The following ZC2HC1B variants were observed in gnomAD, a reference collection of about 807,000 sequenced individuals.
ZC2HC1B encodes the protein zinc finger C2HC domain-containing protein 1B.
A neutral mutation model predicts 31.0 loss-of-function variants in ZC2HC1B; 36 were observed. The observed-to-expected ratio is 1.16, with a 90% CI of 0.89 to 1.54. The LOEUF is 1.54. Ranked by LOEUF, ZC2HC1B falls within the 40% of genes most tolerant of loss-of-function variation. The pLI is 0.00. For missense variants in ZC2HC1B, 260 were observed against 268.6 expected (o/e 0.97, Z 0.22); for synonymous variants, 73 against 88.0 (o/e 0.83, Z 0.95).
chr6:143,906,224 A>G (rs1777793455), intron 6 of ZC2HC1B, among the ~76,000 whole-genome samples: 1 of 152,150 alleles, frequency 6.6e-6, no homozygotes, highest in South Asian at 2.1e-4. Context: ...TTATCAGTCT[A>G]TTCAAATATT....
rs1235424162 is a variant in ZC2HC1B, at chr6:143,908,267, T to A, written c.598+5115T>A. 6.8e-6 allele frequency among the ~76,000 whole-genome samples: 1 copy of A among 146,340 alleles called. No homozygotes were observed. Among genetic ancestry groups the A allele is most frequent in the Non-Finnish European group, 1.5e-5 (1 of 67,004 alleles). On this transcript the variant is annotated intron_variant, in intron 6 of 7. Transcript: ENST00000237275. The surrounding 1 kb of genome is among the most constrained non-coding windows in gnomAD (Gnocchi z 4.4). ...TTGTCTTGACTATTTGGGCTCTGTTTTGATTTCATATGAATTTTAAAATAG... is the reference window on the plus strand; with the variant it reads ...TTGTCTTGACTATTTGGGCTCTGTTATGATTTCATATGAATTTTAAAATAG...
At chr6:143,937,971 G>T (rs920457242) in intron 7 of ZC2HC1B, among the ~76,000 whole-genome samples, 171 bp from the exon 8 acceptor site, 1 of 152,158 alleles carries the variant, frequency 6.6e-6, no homozygotes, top group Non-Finnish European at 1.5e-5. Flanking sequence ...GACCTGAAAG[G>T]TTACTGCCTT....
chr6:143,937,750 A>G lies in ZC2HC1B; in HGVS notation c.*14+17A>G, dbSNP rs1778195475. 1.3e-6 allele frequency: 2 copies of G among 1,516,016 alleles called. No homozygotes were observed. Among genetic ancestry groups the G allele is most frequent in the Non-Finnish European group, 1.8e-6 (2 of 1,120,664 alleles). The allele number at this position is 1,516,016 out of a possible 1,614,324, so 93.9% of individuals were successfully genotyped here. A position where few individuals can be genotyped will look rare whatever the true frequency, so the allele number is the denominator to read the frequency against. On this transcript the variant is annotated intron_variant, in intron 7 of 7. Coordinates refer to ENST00000237275, the MANE Select transcript of ZC2HC1B (RefSeq NM_001013623.3). ...AGAAGCCAGGTAAGAAAAAAAAATCACCGCTAATCCAGCTGTTGCTGACCA... is the reference window on the plus strand; with the variant it reads ...AGAAGCCAGGTAAGAAAAAAAAATCGCCGCTAATCCAGCTGTTGCTGACCA...
At chr6:143,901,875 C>G (rs1424613137) in intron 5 of ZC2HC1B, among the ~76,000 whole-genome samples, 1 of 152,192 alleles carries the variant, frequency 6.6e-6, no homozygotes, top group African/African-American at 2.4e-5. Flanking sequence ...ATGTATAAGT[C>G]TACCTACAGT....
chr6:143,909,708 T>C lies in ZC2HC1B; in HGVS notation c.598+6556T>C, dbSNP rs1582968047. Among the ~76,000 whole-genome samples the C allele has an allele frequency of 2.0e-5, 3 of 152,276 alleles. No homozygotes were observed. In the East Asian group the frequency reaches 5.8e-4, roughly 29 times the overall value. On this transcript the variant is annotated intron_variant, in intron 6 of 7. Transcript: ENST00000237275. Reference sequence around the variant, plus strand: ...TAGTGTATGTGCATAGGGTTGTTTATAGTATTCTCTGATGGTTGTTTGTAT... The same window carrying C: ...TAGTGTATGTGCATAGGGTTGTTTACAGTATTCTCTGATGGTTGTTTGTAT...
chr6:143,925,236 T>C (rs1318609184), intron 6 of ZC2HC1B, among the ~76,000 whole-genome samples: 1 of 139,434 alleles, frequency 7.2e-6, no homozygotes, highest in Non-Finnish European at 1.5e-5. Flanking sequence ...AGTGCAGTGG[T>C]GCGATCTCCC....
In ZC2HC1B at chr6:143,918,509, A is replaced by C. The variant is rs1777942725; in HGVS notation, c.598+15357A>C. Among the ~76,000 whole-genome samples the C allele has an allele frequency of 1.3e-5, 2 of 151,546 alleles. No homozygotes were observed. Among genetic ancestry groups the C allele is most frequent in the African/African-American group, 4.9e-5 (2 of 41,202 alleles). On this transcript the variant is annotated intron_variant, in intron 6 of 7. Coordinates refer to ENST00000237275, the MANE Select transcript of ZC2HC1B (RefSeq NM_001013623.3). This position sits in a 1 kb window ranked among gnomAD's most constrained non-coding sequence, Gnocchi z 4.1. ...GATTATTTTTTGTCTTTTTCTTTTG[A>C]AAGTTTGATTATAATGTGTCTCAGT...
Position 143,915,618 on chromosome 6 carries a change from G to A in ZC2HC1B, c.598+12466G>A, listed in dbSNP as rs1291092860. ...TTGACCAAAATGTTGATAGTGATAC[G>A]GACAATGAAATCCAGGCTGAAGTGG... is the stretch of plus-strand genomic sequence containing the variant. On this transcript the variant is annotated intron_variant, in intron 6 of 7. Transcript: ENST00000237275. The surrounding 1 kb of genome is among the most constrained non-coding windows in gnomAD (Gnocchi z 5.2). 2.6e-5 allele frequency among the ~76,000 whole-genome samples: 4 copies of A among 152,250 alleles called. No individual in the cohort carries two copies. The highest frequency in any genetic ancestry group is 3.4e-3 in the Middle Eastern group (1 of 294).
chr6:143,882,577 C>T (rs1013506705), intron 1 of ZC2HC1B, among the ~76,000 whole-genome samples: 14 of 151,718 alleles, frequency 9.2e-5, no homozygotes, highest in Non-Finnish European at 1.9e-4. Flanking sequence ...CTTCAATTTC[C>T]ATGACCCTGT....
rs959735717 is a variant in ZC2HC1B, at chr6:143,873,476, G to T, written c.28+8909G>T. Among the ~76,000 whole-genome samples, 3 of 152,330 alleles carry T rather than the reference G, an allele frequency of 2.0e-5. No individual in the cohort carries two copies. The East Asian group carries it at 5.8e-4, about 29-fold the overall frequency. On this transcript the variant is annotated intron_variant, in intron 1 of 7. Coordinates refer to ENST00000237275, the MANE Select transcript of ZC2HC1B (RefSeq NM_001013623.3). Reference sequence around the variant, plus strand: ...GCTCCACCAGGGACTCTGTGTGGGGGCTCTACCCCCAGATTTCCCTTCCTC... The same window carrying T: ...GCTCCACCAGGGACTCTGTGTGGGGTCTCTACCCCCAGATTTCCCTTCCTC...
In ZC2HC1B at chr6:143,877,343, C is replaced by T. The variant is rs1407148803; in HGVS notation, c.29-6961C>T. 1.7e-4 allele frequency among the ~76,000 whole-genome samples: 20 copies of T among 119,372 alleles called. 1 individual carries two copies. Among genetic ancestry groups the T allele is most frequent in the Non-Finnish European group, 2.6e-4 (16 of 62,206 alleles). The allele number at this position is 119,372 out of a possible 152,430, so 78.3% of individuals were successfully genotyped here. On this transcript the variant is annotated intron_variant, in intron 1 of 7. Transcript: ENST00000237275. The stretch of plus-strand genomic sequence containing the variant: ...TTTTGCCCAGCCTGGAGTGCAATGG[C>T]GCCATCTCAGTTCACCAAAACCTCC...
At chr6:143,889,601 A>C (rs76933936) in intron 4 of ZC2HC1B, among the ~76,000 whole-genome samples, 1 of 152,164 alleles carries the variant, frequency 6.6e-6, no homozygotes, top group Non-Finnish European at 1.5e-5. Context: ...TGATAAATAC[A>C]TCAAGAAGAC....
rs549203935 is a variant in ZC2HC1B at position 143,871,350 on chromosome 6, C to A, written c.28+6783C>A. The stretch of plus-strand genomic sequence containing the variant: ...GACACAAAGCCAAACAGTTAATATA[C>A]CTCTGAGGTAGAACAGTAAAGGTAT... On this transcript the variant is annotated intron_variant, in intron 1 of 7. Coordinates refer to ENST00000237275, the MANE Select transcript of ZC2HC1B (RefSeq NM_001013623.3). The surrounding 1 kb of genome is among the most constrained non-coding windows in gnomAD (Gnocchi z 4.1). Among the ~76,000 whole-genome samples the A allele has an allele frequency of 6.6e-6, 1 of 152,294 alleles. No homozygotes were observed. Among genetic ancestry groups the A allele is most frequent in the East Asian group, 1.9e-4 (1 of 5,184 alleles).
chr6:143,885,139 T>C lies in ZC2HC1B; in HGVS notation c.90+774T>C, dbSNP rs1423784777. ...TCTGGAACTTAAAGGATGTGGACTG[T>C]AAGCCTGACTATGTTTTGGACAAAA... On this transcript the variant is annotated intron_variant, in intron 2 of 7. Transcript: ENST00000237275. This position sits in a 1 kb window ranked among gnomAD's most constrained non-coding sequence, Gnocchi z 4.2. Among the ~76,000 whole-genome samples, 1 of 152,236 alleles carries C rather than the reference T, an allele frequency of 6.6e-6. No homozygotes were observed. The highest frequency in any genetic ancestry group is 1.5e-5 in the Non-Finnish European group (1 of 68,044).
At chr6:143,890,731 A>G (rs1777590849) in intron 4 of ZC2HC1B, among the ~76,000 whole-genome samples, 1 of 152,210 alleles carries the variant, frequency 6.6e-6, no homozygotes. Context: ...ATTCTAGGGA[A>G]CTACAAAAAA....
chr6:143,894,761 G>C (rs1024156518), intron 4 of ZC2HC1B, among the ~76,000 whole-genome samples: 16 of 152,272 alleles, frequency 1.1e-4, no homozygotes, highest in African/African-American at 3.9e-4. Context: ...TTCATTTTAA[G>C]ATTAGAAACT....
In ZC2HC1B at chr6:143,933,018, A is replaced by G. The variant is rs573862062; in HGVS notation, c.599-4631A>G. On this transcript the variant is annotated intron_variant, in intron 6 of 7. Coordinates refer to ENST00000237275, the MANE Select transcript of ZC2HC1B (RefSeq NM_001013623.3). This position sits in a 1 kb window ranked among gnomAD's most constrained non-coding sequence, Gnocchi z 6.4. ...TTGTCTTCGGGTCTACCAGCCGTGG[A>G]TACCAGCACCTGTTCTGATGGAGGT... Among the ~76,000 whole-genome samples the G allele has an allele frequency of 1.3e-5, 2 of 152,316 alleles. No homozygotes were observed. The highest frequency in any genetic ancestry group is 2.9e-5 in the Non-Finnish European group (2 of 68,030).
intron 6 of ZC2HC1B, among the ~76,000 whole-genome samples, chr6:143,912,684 G>A (rs1019447156): frequency 2.6e-5 from 4 of 152,220 alleles, no homozygotes; most frequent in African/African-American, 4.8e-5. Flanking sequence ...TGTAGGAGGT[G>A]GCTGAAGACT....
chr6:143,909,547 T>TC (rs200925499), intron 6 of ZC2HC1B, among the ~76,000 whole-genome samples: 19 of 150,360 alleles, frequency 1.3e-4, no homozygotes, highest in South Asian at 8.4e-4. Flanking sequence ...TTTTTTTTTT[T>TC]CCCGGCTGGT....
Sources: allele counts gnomAD v4.1 joint callset (sites outside exome capture counted in the v4.1 genomes callset), GRCh38; gene constraint gnomAD v4.1.1; non-coding constraint Gnocchi (gnomAD v3.1); transcripts MANE v1.5; gene names NCBI Gene and HGNC (gene_info 2026-07-23, HGNC 2026-07-21).